Variants in LILRA2 observed in about 807,000 individuals in gnomAD.
LILRA2 encodes the protein leukocyte immunoglobulin like receptor A2, also known as leukocyte immunoglobulin-like receptor subfamily A member 2.
Under a neutral mutation model 47.9 loss-of-function variants are expected in LILRA2, and 45 were observed. The observed-to-expected ratio is 0.94, with a 90% CI of 0.74 to 1.20. LILRA2 has a LOEUF of 1.20. Ranked by LOEUF, LILRA2 falls within the 50% of genes most tolerant of loss-of-function variation. LILRA2 has a pLI of 0.00. For synonymous variants in LILRA2, 279 were observed against 249.2 expected, an observed-to-expected ratio of 1.12 and a Z score of -1.13; for missense variants, 651 against 598.2, an observed-to-expected ratio of 1.09 and a Z score of -0.92.
At chr19:54,584,752 C>T (rs1049975344) in intron 6 of LILRA2, among the ~76,000 whole-genome samples, 4 of 152,098 alleles carry the variant, frequency 2.6e-5, no homozygotes, top group Non-Finnish European at 4.4e-5. Flanking sequence ...TTGTTATTAC[C>T]GACCTTCTGA....
rs978877164 is a variant in LILRA2, at chr19:54,588,996, C to G, written c.*1650C>G. The G allele has an allele frequency of 6.6e-6, 1 of 152,090 alleles. No homozygotes were observed. The highest frequency in any genetic ancestry group is 1.5e-5 in the Non-Finnish European group (1 of 68,040). 9.4% of individuals were successfully genotyped at this position (152,090 alleles called of 1,614,324 possible). A position where few individuals can be genotyped will look rare whatever the true frequency, so the allele number is the denominator to read the frequency against. On this transcript the variant is annotated 3_prime_UTR_variant, in exon 8 of 8. Transcript: ENST00000391738. ...AAGAATTCTTAAATGACTCGTTCTA[C>G]TTTCTGCTGGTCCAGGCACTCCTTG...
At chr19:54,579,289 G>A (rs1252956778) in intron 6 of LILRA2, among the ~76,000 whole-genome samples, 1 of 152,102 alleles carries the variant, frequency 6.6e-6, no homozygotes, top group African/African-American at 2.4e-5. Context: ...TATCGTATAG[G>A]GTGTAAGGAA....
At position 54,575,314 on chromosome 19, in the gene LILRA2, G is replaced by A. The variant is rs144206436; in HGVS notation, c.714G>A (p.Glu238=). 3.7e-6 allele frequency: 6 copies of A among 1,613,922 alleles called. No homozygotes were observed. The African/African-American group carries it at 5.3e-5, about 14-fold the overall frequency. ...VQPGPMVAPG[E]SLTLQCVSDV... ...CAGGTCCTATGGTGGCCCCTGGGGA[G>A]AGCCTGACCCTCCAGTGTGTCTCTG... The change falls in exon 5 of 8, where the codon GAG becomes GAA. Residue 238 remains glutamate (E), a synonymous_variant. Transcript: ENST00000391738.
In LILRA2 at chr19:54,579,057, G is replaced by A. The variant is rs55911207; in HGVS notation, c.1255+2948G>A. The stretch of plus-strand genomic sequence containing the variant: ...GATTGCAAAAATTTTCTCCCATTCT[G>A]TAGGCTGCCTGTTCACTCTCATGAT... On this transcript the variant is annotated intron_variant, in intron 6 of 7. Transcript: ENST00000391738. Among the ~76,000 whole-genome samples, 457 of 151,510 alleles carry A rather than the reference G, an allele frequency of 3.0e-3. 5 individuals carry two copies. The highest frequency in any genetic ancestry group is 0.011 in the African/African-American group (435 of 41,274).
intron 6 of LILRA2, among the ~76,000 whole-genome samples, chr19:54,576,328 G>T (rs1333714101): frequency 1.3e-5 from 1 of 77,096 alleles, no homozygotes; most frequent in Non-Finnish European, 2.9e-5. Context: ...AGGAGACGGG[G>T]GCGGGGGGGC....
chr19:54,579,333 C>T (rs2062573302), intron 6 of LILRA2, among the ~76,000 whole-genome samples: 1 of 152,124 alleles, frequency 6.6e-6, no homozygotes, highest in South Asian at 2.1e-4. Context: ...ATGTGGCTAG[C>T]CAGTTTTTCT....
chr19:54,585,991 A>G (rs867648383), intron 6 of LILRA2, among the ~76,000 whole-genome samples: 1 of 152,318 alleles, frequency 6.6e-6, no homozygotes, highest in Middle Eastern at 3.4e-3. Context: ...TTCACCCACT[A>G]GAGAATGGCT....
At position 54,574,282 on chromosome 19, in the gene LILRA2, A is replaced by G. The variant is rs753572107; in HGVS notation, c.71-19A>G. 1.2e-6 allele frequency: 2 copies of G among 1,613,892 alleles called. No homozygotes were observed. The highest frequency in any genetic ancestry group is 2.2e-5 in the South Asian group (2 of 91,078). On this transcript the variant is annotated intron_variant, in intron 2 of 7. Coordinates refer to ENST00000391738, the MANE Select transcript of LILRA2 (RefSeq NM_001130917.3). ...TGGGTGGGAAATGACTTAGAATCCGACCTCTGATTTCCTTCCAGGGCACCT... is the reference window on the plus strand; with the variant it reads ...TGGGTGGGAAATGACTTAGAATCCGGCCTCTGATTTCCTTCCAGGGCACCT...
chr19:54,586,408 G>A (rs2062809979), intron 6 of LILRA2, among the ~76,000 whole-genome samples: 1 of 152,134 alleles, frequency 6.6e-6, no homozygotes, highest in South Asian at 2.1e-4. Context: ...CACGTGTATT[G>A]CATTCTAGGG....
upstream of LILRA2, chr19:54,573,762 C>T (rs2062226939): frequency 6.3e-7 from 1 of 1,593,412 alleles, no homozygotes. Context: ...TTGCACATAA[C>T]AAAACCCCAT....
Position 54,590,048 on chromosome 19 carries a change from A to G in LILRA2, c.*2702A>G, listed in dbSNP as rs1249304800. 4 of 151,956 alleles carry G rather than the reference A, an allele frequency of 2.6e-5. No individual in the cohort carries two copies. In the East Asian group the frequency reaches 7.7e-4, roughly 29 times the overall value. 9.4% of individuals were successfully genotyped at this position (151,956 alleles called of 1,614,324 possible). The stretch of plus-strand genomic sequence containing the variant: ...GTTAAGACATTAATGTTATTTATGA[A>G]TTTGTGCACATTAAACTCATGATCT... On this transcript the variant is annotated 3_prime_UTR_variant, in exon 8 of 8. Coordinates refer to ENST00000391738, the MANE Select transcript of LILRA2 (RefSeq NM_001130917.3).
At chr19:54,573,698 C>T, upstream of LILRA2, 1 of 1,428,714 alleles carries the variant, frequency 7.0e-7, no homozygotes, top group Non-Finnish European at 9.5e-7. Context: ...CCCACCTCAG[C>T]CCTAAAGGTA....
In LILRA2 at chr19:54,575,442, C is replaced by T. The variant is rs745872755; in HGVS notation, c.842C>T (p.Thr281Ile). ...GCTGGGCTCTCCCAGGCCAACTTCA[C>T]CCTGGGCCCTGTGAGCCCCTCCCAC... ...PQAGLSQANFTLGPVSPSHGG... is the reference protein window; with the variant it reads ...PQAGLSQANFILGPVSPSHGG... Residue 281 changes from threonine to isoleucine, a missense_variant, in exon 5 of 8, where the codon ACC becomes ATC. Physicochemically the swap from Thr to Ile is moderately conservative, Grantham distance 89. Transcript: ENST00000391738. 1.9e-6 allele frequency: 3 copies of T among 1,613,974 alleles called. No homozygotes were observed. In the South Asian group the frequency reaches 3.3e-5, roughly 18 times the overall value.
chr19:54,584,814 T>C (rs760457614), intron 6 of LILRA2, among the ~76,000 whole-genome samples: 1 of 152,194 alleles, frequency 6.6e-6, no homozygotes, highest in Non-Finnish European at 1.5e-5. Context: ...TCTTGTTCTG[T>C]TGCCGGTGAG....
Position 54,573,813 on chromosome 19 carries a change from G to A in LILRA2, c.-66G>A, listed in dbSNP as rs1327984661. 59 of 1,605,562 alleles carry A rather than the reference G, an allele frequency of 3.7e-5. No homozygotes were observed. Among genetic ancestry groups the A allele is most frequent in the Middle Eastern group, 1.7e-4 (1 of 6,024 alleles). ...GCCTCCGAGTGTCCACACCCTGTGCGTCTCTCTGTCCTGCCAGCACTGAGG... is the reference window on the plus strand; with the variant it reads ...GCCTCCGAGTGTCCACACCCTGTGCATCTCTCTGTCCTGCCAGCACTGAGG... On this transcript the variant is annotated 5_prime_UTR_variant, in exon 1 of 8. Transcript: ENST00000391738.
chr19:54,579,212 G>C (rs1347557951), intron 6 of LILRA2, among the ~76,000 whole-genome samples: 1 of 152,030 alleles, frequency 6.6e-6, no homozygotes, highest in African/African-American at 2.4e-5. Context: ...GTATTGCCTA[G>C]GTTTTCTTCT....
At position 54,580,501 on chromosome 19, in the gene LILRA2, T is replaced by A. The variant is rs1282519059; in HGVS notation, c.1255+4392T>A. 8.9e-4 allele frequency among the ~76,000 whole-genome samples: 12 copies of A among 13,458 alleles called. No individual in the cohort carries two copies. In the South Asian group the frequency reaches 0.018, roughly 20 times the overall value. 8.8% of individuals were successfully genotyped at this position (13,458 alleles called of 152,430 possible). On this transcript the variant is annotated intron_variant, in intron 6 of 7. Transcript: ENST00000391738. The stretch of plus-strand genomic sequence containing the variant: ...TTTACTGAGAATGATGGTTTCCAAT[T>A]TCATCCATGTCCCTACAAAGGATAT...
At chr19:54,585,810 A>G (rs1364385963) in intron 6 of LILRA2, among the ~76,000 whole-genome samples, 5 of 152,182 alleles carry the variant, frequency 3.3e-5, no homozygotes, top group African/African-American at 1.2e-4. Context: ...CCACAGTCCA[A>G]CCAGTCCCAA....
chr19:54,581,752 A>C (rs1020636940), intron 6 of LILRA2, among the ~76,000 whole-genome samples: 1 of 149,530 alleles, frequency 6.7e-6, no homozygotes, highest in Non-Finnish European at 1.5e-5. Flanking sequence ...AAGGTAATTT[A>C]CAGATTCAAT....
Sources: allele counts gnomAD v4.1 joint callset (sites outside exome capture counted in the v4.1 genomes callset), GRCh38; gene constraint gnomAD v4.1.1; transcripts MANE v1.5; gene names NCBI Gene and HGNC (gene_info 2026-07-23, HGNC 2026-07-21).